Variants in OSTF1 observed in about 807,000 individuals in gnomAD.
The protein encoded by OSTF1 is osteoclast stimulating factor 1, also known as osteoclast-stimulating factor 1.
OSTF1 carries 27 observed loss-of-function variants against 37.2 expected under a neutral mutation model. The observed-to-expected ratio is 0.73, with a 90% CI of 0.54 to 1.00. The LOEUF (loss-of-function observed/expected upper bound fraction) is 1.00, where lower values mean the gene tolerates loss of function less well. Ranked by LOEUF, OSTF1 falls within the 50% of genes least tolerant of loss-of-function variation. The probability of loss-of-function intolerance (pLI) is 0.00; values close to 1 mark genes in which losing one functional copy is unlikely to be tolerated. For synonymous variants in OSTF1, 82 were observed against 89.2 expected (o/e 0.92, Z 0.46); for missense variants, 232 against 253.8 (o/e 0.91, Z 0.58).
Position 75,131,871 on chromosome 9 carries a change from C to A in OSTF1, c.250+48C>A, listed in dbSNP as rs770105752. ...GAGGTATGCAGTACAGTAAAAGGCA[C>A]GGATTTCAATTAGCTTTGACAAGTG... On this transcript the variant is annotated intron_variant, in intron 5 of 9. Coordinates refer to ENST00000346234, the MANE Select transcript of OSTF1 (RefSeq NM_012383.5). 2.8e-6 allele frequency: 4 copies of A among 1,406,250 alleles called. No homozygotes were observed. The East Asian group carries it at 9.2e-5, about 32-fold the overall frequency. 87.1% of individuals were successfully genotyped at this position (1,406,250 alleles called of 1,614,324 possible).
intron 2 of OSTF1, among the ~76,000 whole-genome samples, chr9:75,118,677 C>T (rs545487740): frequency 7.9e-5 from 12 of 151,978 alleles, no homozygotes; most frequent in East Asian, 1.9e-4. Context: ...ACAGTCATGG[C>T]GGAAGGCGAA....
rs764837844 is a variant in OSTF1, at chr9:75,146,722, A to G, written c.626A>G (p.Asp209Gly). ...TTAAGCAATGCCGAGGACTATCTCG[A>G]TGATGAAGACTCAGATTAATTCCTT... ...RTLSNAEDYL[D>G]DEDSD The change falls in exon 10 of 10, where the codon GAT (aspartate) becomes GGT (glycine). Residue 209 changes from aspartate (D) to glycine (G), a missense_variant. Coordinates refer to ENST00000346234, the MANE Select transcript of OSTF1 (RefSeq NM_012383.5). 2 of 1,610,484 alleles carry G rather than the reference A, an allele frequency of 1.2e-6. No homozygotes were observed. The highest frequency in any genetic ancestry group is 1.7e-5 in the Admixed American group (1 of 59,554).
rs59897817 is a variant in OSTF1, at chr9:75,100,433, T to A, written c.34+11707T>A. ...ATCAGTGAAAAAGAGTTTTTTTTTT[T>A]AAAAAAGTCTCTGAGGCCAGGCGCG... is the stretch of plus-strand genomic sequence containing the variant. On this transcript the variant is annotated intron_variant, in intron 1 of 9. Transcript: ENST00000346234. Among the ~76,000 whole-genome samples the A allele has an allele frequency of 4.6e-3, 699 of 151,778 alleles. 2 individuals are homozygous for A. Among genetic ancestry groups the A allele is most frequent in the African/African-American group, 0.013 (541 of 41,370 alleles).
At chr9:75,140,775 A>G in intron 8 of OSTF1, 59 bp from the exon 9 acceptor site, 1 of 1,169,874 alleles carries the variant, frequency 8.5e-7, no homozygotes. Flanking sequence ...GGGAGAGAGG[A>G]TTGGCTACTA....
chr9:75,121,558 G>C (rs142370233), intron 2 of OSTF1, among the ~76,000 whole-genome samples: 2 of 152,276 alleles, frequency 1.3e-5, no homozygotes, highest in East Asian at 1.9e-4. Context: ...AGGTATGAAG[G>C]GGGTAGCATC....
intron 1 of OSTF1, among the ~76,000 whole-genome samples, chr9:75,108,245 T>A (rs12376344): frequency 0.19 from 28,780 of 150,550 alleles, 2,809 homozygotes; most frequent in Admixed American, 0.22. Flanking sequence ...ATAAATAAAT[T>A]AATTAATTAA....
chr9:75,141,006 G>A (rs1825934434), intron 9 of OSTF1, 74 bp downstream of exon 9: 1 of 1,105,366 alleles, frequency 9.0e-7, no homozygotes, highest in Non-Finnish European at 1.4e-6. Context: ...TGGCGCAAAA[G>A]AGATAAACTC....
At chr9:75,106,955 A>G (rs1825296215) in intron 1 of OSTF1, among the ~76,000 whole-genome samples, 1 of 147,414 alleles carries the variant, frequency 6.8e-6, no homozygotes, top group Non-Finnish European at 1.5e-5. Context: ...TCTGTCTCGG[A>G]AAAAAAAAAG....
intron 2 of OSTF1, among the ~76,000 whole-genome samples, chr9:75,126,873 G>C (rs1219902541): frequency 6.6e-6 from 1 of 152,228 alleles, no homozygotes; most frequent in Admixed American, 6.5e-5. Flanking sequence ...TTACAGGCAT[G>C]AGCCACCGCA....
intron 1 of OSTF1, among the ~76,000 whole-genome samples, chr9:75,115,387 G>A (rs1297211383): frequency 1.3e-5 from 2 of 152,106 alleles, no homozygotes; most frequent in Non-Finnish European, 2.9e-5. Flanking sequence ...CAACTCCTGG[G>A]TTCAGGCTAT....
At chr9:75,119,810 G>A (rs538304849) in intron 2 of OSTF1, among the ~76,000 whole-genome samples, 10 of 152,130 alleles carry the variant, frequency 6.6e-5, no homozygotes, top group African/African-American at 2.2e-4. Flanking sequence ...CTAAAAATAC[G>A]AAAATTAGCT....
chr9:75,101,094 G>C (rs1446970636), intron 1 of OSTF1, among the ~76,000 whole-genome samples: 1 of 152,034 alleles, frequency 6.6e-6, no homozygotes, highest in Non-Finnish European at 1.5e-5. Context: ...GGACTCCTTC[G>C]GTCTTTCCAG....
intron 1 of OSTF1, among the ~76,000 whole-genome samples, chr9:75,089,344 A>G (rs540035529): frequency 2.8e-4 from 42 of 151,626 alleles, no homozygotes; most frequent in African/African-American, 9.0e-4. Flanking sequence ...TGGAAGTGTC[A>G]TTTTATCATC....
rs1366728435 is a variant in OSTF1, at chr9:75,128,572, TATTTTGTCC to T, written c.132+956_132+964del. Among the ~76,000 whole-genome samples the T allele has an allele frequency of 1.9e-4, 3 of 15,600 alleles. 1 individual carries two copies. The highest frequency in any genetic ancestry group is 2.1e-3 in the East Asian group (2 of 952). The allele number at this position is 15,600 out of a possible 152,430, so 10.2% of individuals were successfully genotyped here. On this transcript the variant is annotated intron_variant, in intron 3 of 9. Transcript: ENST00000346234. ...TTGTCCATATATATATATATATATA[TATTTTGTCC>T]ATATATATATATATATATATATATA...
intron 1 of OSTF1, among the ~76,000 whole-genome samples, chr9:75,108,536 A>T (rs115040383): frequency 0.019 from 2,911 of 152,192 alleles, 85 homozygotes; most frequent in African/African-American, 0.066. Flanking sequence ...ATGAGTCCGA[A>T]TTTTAAGTAT....
intron 8 of OSTF1, 117 bp downstream of exon 8, chr9:75,137,733 C>A: frequency 1.5e-6 from 1 of 679,586 alleles, no homozygotes; most frequent in South Asian, 1.7e-5. Context: ...TAGGGTTTAA[C>A]CTTTGCTCTG....
At chr9:75,125,196 C>A (rs866422647) in intron 2 of OSTF1, among the ~76,000 whole-genome samples, 2 of 152,162 alleles carry the variant, frequency 1.3e-5, no homozygotes, top group African/African-American at 4.8e-5. Flanking sequence ...CAAAGGCCAA[C>A]CTTAATGTGG....
chr9:75,111,977 C>A (rs1490488024), intron 1 of OSTF1, among the ~76,000 whole-genome samples: 1 of 151,626 alleles, frequency 6.6e-6, no homozygotes, highest in Non-Finnish European at 1.5e-5. Context: ...GTGTGTGCCA[C>A]CACGCCCAGC....
chr9:75,127,837 A>G (rs536922775), intron 3 of OSTF1, among the ~76,000 whole-genome samples: 1 of 152,128 alleles, frequency 6.6e-6, no homozygotes, highest in African/African-American at 2.4e-5. Flanking sequence ...ACAGAATATT[A>G]TGCAGCTGTA....
Sources: gnomAD v4.1 joint callset for allele counts (sites outside exome capture counted in the v4.1 genomes callset) on GRCh38, gnomAD v4.1.1 for gene constraint, MANE v1.5 for transcripts, NCBI Gene and HGNC (gene_info 2026-07-23, HGNC 2026-07-21) for gene names.